HM13: variants seen among roughly 807,000 people sequenced by gnomAD.
HM13 encodes signal peptide peptidase.
In HM13, 18 loss-of-function variants were observed where a neutral mutation model predicts 50.0. The ratio of observed to expected loss-of-function variants is 0.36; its 90% confidence interval spans 0.25 to 0.53. The LOEUF (loss-of-function observed/expected upper bound fraction) is 0.53. Ranked by LOEUF, HM13 falls within the 20% of genes least tolerant of loss-of-function variation. HM13 has a pLI of 0.90. For synonymous variants in HM13, 197 were observed against 232.6 expected (o/e 0.85, Z 1.39); for missense variants, 393 against 552.4 (o/e 0.71, Z 2.89).
intron 8 of HM13, among the ~76,000 whole-genome samples, chr20:31,559,195 A>C (rs1369752671): frequency 1.3e-5 from 2 of 152,134 alleles, no homozygotes; most frequent in Non-Finnish European, 2.9e-5. Flanking sequence ...GCACTCTTTA[A>C]CAGTCACAAT....
intron 4 of HM13, among the ~76,000 whole-genome samples, chr20:31,545,492 C>T (rs1983662979): frequency 6.6e-6 from 1 of 152,112 alleles, no homozygotes; most frequent in Non-Finnish European, 1.5e-5. Context: ...TGGCCAGAAA[C>T]AGTGTCTCAT....
chr20:31,545,097 G>C, intron 4 of HM13, 62 bp downstream of exon 4: 1 of 1,313,350 alleles, frequency 7.6e-7, no homozygotes, highest in East Asian at 2.3e-5. Flanking sequence ...CATTCCCTTT[G>C]TCTCTCCAAT....
chr20:31,532,277 T>C (rs1380955775), intron 2 of HM13, among the ~76,000 whole-genome samples: 1 of 151,898 alleles, frequency 6.6e-6, no homozygotes, highest in Non-Finnish European at 1.5e-5. Context: ...ATACAAAAAC[T>C]ATCAGGGTGT....
At chr20:31,568,342 A>C in intron 12 of HM13, 118 bp downstream of exon 12, 1 of 1,361,934 alleles carries the variant, frequency 7.3e-7, no homozygotes, top group Non-Finnish European at 9.7e-7. Flanking sequence ...GTAGGCCGCA[A>C]GAGCAGCTCC....
chr20:31,550,028 A>C, intron 6 of HM13, 36 bp from the exon 7 acceptor site: 1 of 1,516,740 alleles, frequency 6.6e-7, no homozygotes, highest in Non-Finnish European at 9.1e-7. Context: ...ACAGCCCCTC[A>C]CTTCCCTTCA....
chr20:31,542,392 A>G (rs1449996708), intron 3 of HM13, among the ~76,000 whole-genome samples: 1 of 152,190 alleles, frequency 6.6e-6, no homozygotes, highest in African/African-American at 2.4e-5. Flanking sequence ...AGGAAGCCAC[A>G]TCACCAGTTT....
chr20:31,516,412 C>T (rs1186768621), intron 1 of HM13, among the ~76,000 whole-genome samples: 1 of 152,186 alleles, frequency 6.6e-6, no homozygotes, highest in Non-Finnish European at 1.5e-5. Context: ...GGTCAGAGCC[C>T]TGTCACCAAG....
chr20:31,562,862 G>A (rs1287013394), intron 10 of HM13, among the ~76,000 whole-genome samples: 1 of 152,214 alleles, frequency 6.6e-6, no homozygotes, highest in Non-Finnish European at 1.5e-5. Flanking sequence ...CGTGTAAGGT[G>A]AGAGTAACAT....
At chr20:31,564,406 GTC>G (rs1258477104) in intron 10 of HM13, among the ~76,000 whole-genome samples, 1 of 152,008 alleles carries the variant, frequency 6.6e-6, no homozygotes, top group Non-Finnish European at 1.5e-5. Flanking sequence ...GTGACAACCA[GTC>G]TCTACAAAAA....
chr20:31,531,186 A>G (rs1052652852), intron 2 of HM13, among the ~76,000 whole-genome samples: 1 of 152,092 alleles, frequency 6.6e-6, no homozygotes, highest in Non-Finnish European at 1.5e-5. Context: ...CTAGGATTAC[A>G]GGTGTGTGCC....
At chr20:31,559,206 C>T (rs1984475307) in intron 8 of HM13, among the ~76,000 whole-genome samples, 1 of 152,206 alleles carries the variant, frequency 6.6e-6, no homozygotes, top group Non-Finnish European at 1.5e-5. Context: ...CAGTCACAAT[C>T]TCACAATGAT....
intron 7 of HM13, among the ~76,000 whole-genome samples, chr20:31,554,003 G>T (rs1346131171): frequency 6.6e-6 from 1 of 152,062 alleles, no homozygotes; most frequent in Non-Finnish European, 1.5e-5. Context: ...GCTATAAAAA[G>T]GCGTTGAAAT....
chr20:31,523,811 A>C (rs1029148544), intron 1 of HM13, among the ~76,000 whole-genome samples: 5 of 152,172 alleles, frequency 3.3e-5, no homozygotes, highest in Admixed American at 2.0e-4. Context: ...GGAAGGAAGG[A>C]AACTGGGCCT....
chr20:31,547,907 C>T (rs2122619853), intron 4 of HM13: 2 of 1,142,638 alleles, frequency 1.8e-6, no homozygotes, highest in East Asian at 2.3e-5. Flanking sequence ...GTAGCAGTCA[C>T]AGCGGAAGGA....
intron 4 of HM13, among the ~76,000 whole-genome samples, chr20:31,546,358 C>T (rs1170816972): frequency 6.6e-6 from 1 of 152,062 alleles, no homozygotes; most frequent in African/African-American, 2.4e-5. Flanking sequence ...CTTACTGGTG[C>T]CTAGCACATG....
intron 3 of HM13, among the ~76,000 whole-genome samples, chr20:31,543,140 C>T (rs1568789772): frequency 6.6e-6 from 1 of 152,236 alleles, no homozygotes; most frequent in Non-Finnish European, 1.5e-5. Flanking sequence ...CGCCTCAGAA[C>T]CCTGCTGTGG....
Position 31,569,395 on chromosome 20 carries a change from CCCT to C in HM13, c.*181_*183del, listed in dbSNP as rs1411752466. 7 of 504,086 alleles carry C rather than the reference CCCT, an allele frequency of 1.4e-5. No homozygotes were observed. Among genetic ancestry groups the C allele is most frequent in the African/African-American group, 1.2e-4 (6 of 51,620 alleles). The allele number at this position is 504,086 out of a possible 1,614,324, so 31.2% of individuals were successfully genotyped here. ...CTCTGTTTCCTTCTCCCTTTCTTGG[CCCT>C]CCTCTGCTCCTCCCCACACCCTGCA... On this transcript the variant is annotated 3_prime_UTR_variant, in exon 13 of 13. Coordinates refer to ENST00000398174, the MANE Select transcript of HM13 (RefSeq NM_178581.3).
intron 2 of HM13, among the ~76,000 whole-genome samples, chr20:31,535,011 G>A (rs908629602): frequency 3.3e-5 from 5 of 151,604 alleles, no homozygotes; most frequent in African/African-American, 4.8e-5. Flanking sequence ...GCGTGAACCC[G>A]GGAGGCACAG....
intron 7 of HM13, among the ~76,000 whole-genome samples, chr20:31,552,652 G>A (rs1052061148): frequency 2.0e-5 from 3 of 152,194 alleles, no homozygotes; most frequent in Non-Finnish European, 2.9e-5. Context: ...GCCACTTGCT[G>A]ACCGTGTGGC....
Sources: allele counts gnomAD v4.1 joint callset (sites outside exome capture counted in the v4.1 genomes callset), GRCh38; gene constraint gnomAD v4.1.1; transcripts MANE v1.5; gene names NCBI Gene and HGNC (gene_info 2026-07-23, HGNC 2026-07-21).